The following EIF3B variants were observed in gnomAD, a reference collection of about 807,000 sequenced individuals.
The protein encoded by EIF3B is eukaryotic translation initiation factor 3 subunit B, also known as eukaryotic translation initiation factor 3 subunit 9.
A neutral mutation model predicts 104.6 loss-of-function variants in EIF3B; 10 were observed. The observed-to-expected ratio is 0.10, with a 90% CI of 0.06 to 0.16. The LOEUF (loss-of-function observed/expected upper bound fraction) is 0.16, where lower values mean the gene tolerates loss of function less well. Ranked by LOEUF, EIF3B falls within the 10% of genes least tolerant of loss-of-function variation. The pLI, the probability that EIF3B is intolerant of heterozygous loss-of-function variation, is 1.00. For synonymous variants in EIF3B, 542 were observed against 417.2 expected, an observed-to-expected ratio of 1.30 and a Z score of -3.65; for missense variants, 1,014 against 1,087.9, an observed-to-expected ratio of 0.93 and a Z score of 0.96.
chr7:2,372,990 C>T (rs1780441227), intron 12 of EIF3B, 195 bp downstream of exon 12: 1 of 469,064 alleles, frequency 2.1e-6, no homozygotes, highest in Non-Finnish European at 3.6e-6. Flanking sequence ...GGGTGTCTCT[C>T]TGAGCCCCGT....
intron 2 of EIF3B, 57 bp downstream of exon 2, chr7:2,360,959 A>G (rs1779694100): frequency 7.0e-7 from 1 of 1,434,226 alleles, no homozygotes; most frequent in Non-Finnish European, 9.6e-7. Flanking sequence ...ATGATGAGGG[A>G]GTGTTGCAGG....
rs771274373 is a variant in EIF3B at position 2,379,556 on chromosome 7, A to C, written c.*14+45A>C. 46 of 1,236,046 alleles carry C rather than the reference A, an allele frequency of 3.7e-5. No homozygotes were observed. In the African/African-American group the frequency reaches 5.7e-4, roughly 15 times the overall value. The allele number at this position is 1,236,046 out of a possible 1,614,324, so 76.6% of individuals were successfully genotyped here. Reference sequence around the variant, plus strand: ...GCGATGGGGGTCCTGTTGGCTGCTCATGCTGCTTCAGTTATCCCCGTCACT... The same window carrying C: ...GCGATGGGGGTCCTGTTGGCTGCTCCTGCTGCTTCAGTTATCCCCGTCACT... On this transcript the variant is annotated intron_variant, in intron 18 of 18. Coordinates refer to ENST00000360876, the MANE Select transcript of EIF3B (RefSeq NM_001037283.2).
chr7:2,380,650 G>A lies in EIF3B; in HGVS notation c.*461G>A, dbSNP rs919241109. On this transcript the variant is annotated 3_prime_UTR_variant, in exon 19 of 19. Transcript: ENST00000360876. ...TGGACGTGTCCCGGAGACCCACCGG[G>A]AGGGCGCCGCCATGCCTTGTACCCC... 1 of 223,754 alleles carries A rather than the reference G, an allele frequency of 4.5e-6. No homozygotes were observed. Among genetic ancestry groups the A allele is most frequent in the Non-Finnish European group, 9.2e-6 (1 of 108,284 alleles). 13.9% of individuals were successfully genotyped at this position (223,754 alleles called of 1,614,324 possible).
At chr7:2,367,170 A>T (rs567040831) in intron 9 of EIF3B, 125 bp downstream of exon 9, 1 of 952,392 alleles carries the variant, frequency 1.0e-6, no homozygotes, top group South Asian at 1.7e-5. Flanking sequence ...TCTTTCTCCC[A>T]GTTCTGGAGC....
chr7:2,362,677 A>G lies in EIF3B; in HGVS notation c.725A>G (p.His242Arg). ...TTCCTGGAGTACGCGTCCCCTGCCC[A>G]CGCTGTGGATGCTGTGAAGAACGCC... Reference protein sequence around the residue: ...YIFLEYASPAHAVDAVKNADG... With the variant: ...YIFLEYASPARAVDAVKNADG... The change falls in exon 3 of 19, where the codon CAC becomes CGC. Residue 242 changes from histidine (H) to arginine (R), a missense_variant. By Grantham distance (29) the His-to-Arg change is conservative. This residue lies in a region of EIF3B where 488 missense variants were observed against 404.3 expected (regional missense o/e 1.21). Coordinates refer to ENST00000360876, the MANE Select transcript of EIF3B (RefSeq NM_001037283.2). The G allele has an allele frequency of 6.2e-7, 1 of 1,614,260 alleles. No individual in the cohort carries two copies. The highest frequency in any genetic ancestry group is 8.5e-7 in the Non-Finnish European group (1 of 1,180,048).
intron 1 of EIF3B, among the ~76,000 whole-genome samples, chr7:2,356,431 C>T (rs975283704): frequency 1.3e-5 from 2 of 151,834 alleles, no homozygotes; most frequent in African/African-American, 2.4e-5. Flanking sequence ...GAAACCCCGT[C>T]TCTACTAAAA....
chr7:2,362,334 T>G (rs1779776096), intron 2 of EIF3B, among the ~76,000 whole-genome samples: 1 of 152,222 alleles, frequency 6.6e-6, no homozygotes, highest in Non-Finnish European at 1.5e-5. Context: ...GCGTACAATT[T>G]AATACATTTT....
chr7:2,374,969 A>G, intron 13 of EIF3B: 1 of 301,098 alleles, frequency 3.3e-6, no homozygotes. Context: ...CACAGCTGTG[A>G]GGCTGCCTTA....
At chr7:2,374,807 G>A (rs961039815) in intron 13 of EIF3B, 8 of 469,560 alleles carry the variant, frequency 1.7e-5, no homozygotes, top group Non-Finnish European at 3.0e-5. Flanking sequence ...CGCACAGAGT[G>A]AAATAAGCGC....
intron 15 of EIF3B, 99 bp from the exon 16 acceptor site, chr7:2,378,589 GA>G: frequency 1.9e-6 from 2 of 1,032,954 alleles, no homozygotes; most frequent in South Asian, 2.8e-5. Flanking sequence ...TGTGTTCTGT[GA>G]ATGGCTTTGG....
At position 2,374,918 on chromosome 7, in the gene EIF3B, G is replaced by C. The variant is rs576569035; in HGVS notation, c.1889+312G>C. ...CCAGCCATCCAGTAACCTCCCCCCG[G>C]GGGTCAGTCCCTTGTCTTCTAGTGG... On this transcript the variant is annotated intron_variant, in intron 13 of 18. Transcript: ENST00000360876. 21 of 326,364 alleles carry C rather than the reference G, an allele frequency of 6.4e-5. 1 individual carries two copies. Among genetic ancestry groups the C allele is most frequent in the African/African-American group, 4.2e-4 (20 of 47,688 alleles). The allele number at this position is 326,364 out of a possible 1,614,324, so 20.2% of individuals were successfully genotyped here. A position where few individuals can be genotyped will look rare whatever the true frequency, so the allele number is the denominator to read the frequency against.
rs1583173234 is a variant in EIF3B at position 2,372,028 on chromosome 7, C to A, written c.1687+179C>A. On this transcript the variant is annotated intron_variant, in intron 11 of 18. Transcript: ENST00000360876. Reference sequence around the variant, plus strand: ...TAGAGCCTGGGCAACATAGTGAGACCCTCTCTGTACAAAAAACAAATAAAA... The same window carrying A: ...TAGAGCCTGGGCAACATAGTGAGACACTCTCTGTACAAAAAACAAATAAAA... 5.1e-6 allele frequency: 3 copies of A among 584,214 alleles called. No individual in the cohort carries two copies. In the Middle Eastern group the frequency reaches 9.3e-4, roughly 182 times the overall value. The allele number at this position is 584,214 out of a possible 1,614,324, so 36.2% of individuals were successfully genotyped here. A position where few individuals can be genotyped will look rare whatever the true frequency, so the allele number is the denominator to read the frequency against.
At chr7:2,358,845 C>T (rs992248117) in intron 1 of EIF3B, among the ~76,000 whole-genome samples, 1 of 152,198 alleles carries the variant, frequency 6.6e-6, no homozygotes, top group Non-Finnish European at 1.5e-5. Context: ...TAAATTCTGA[C>T]ACGTGATGCT....
chr7:2,376,715 C>A, intron 14 of EIF3B: 1 of 523,118 alleles, frequency 1.9e-6, no homozygotes. Flanking sequence ...ATGTGCAGGC[C>A]TGTGCTGTGA....
chr7:2,363,638 T>C lies in EIF3B; in HGVS notation c.877T>C (p.Leu293=), dbSNP rs1562479853. 6.3e-7 allele frequency: 1 copy of C among 1,599,558 alleles called. No homozygotes were observed. The highest frequency in any genetic ancestry group is 1.8e-5 in the Admixed American group (1 of 55,238). The change falls in exon 5 of 19, where the codon TTA becomes CTA. Residue 293 remains leucine (L), a synonymous_variant. Coordinates refer to ENST00000360876, the MANE Select transcript of EIF3B (RefSeq NM_001037283.2). ...EKQPFKDLGN[L]RYWLEEAECR... ...CCTTGTCTTTGTTTTTAAGGGGAAC[T>C]TACGTTACTGGCTTGAAGAGGCAGA...
Position 2,380,248 on chromosome 7 carries a change from C to G in EIF3B, c.*59C>G, listed in dbSNP as rs991040774. 6.3e-6 allele frequency: 3 copies of G among 473,104 alleles called. No individual in the cohort carries two copies. The highest frequency in any genetic ancestry group is 1.3e-5 in the Non-Finnish European group (3 of 237,078). The allele number at this position is 473,104 out of a possible 1,614,324, so 29.3% of individuals were successfully genotyped here. ...GTTCCCGCGCTGAGCTACAGGACTC[C>G]CGAGTGTGAGCCGCGGTTCCTCTGT... On this transcript the variant is annotated 3_prime_UTR_variant, in exon 19 of 19. Coordinates refer to ENST00000360876, the MANE Select transcript of EIF3B (RefSeq NM_001037283.2).
At chr7:2,374,711 G>A (rs1780542322) in intron 13 of EIF3B, 105 bp downstream of exon 13, 1 of 1,081,648 alleles carries the variant, frequency 9.2e-7, no homozygotes, top group Middle Eastern at 2.1e-4. Context: ...AGAGTATTGT[G>A]CGCTGAAAGG....
chr7:2,361,218 CTGT>C (rs1779708626), intron 2 of EIF3B, among the ~76,000 whole-genome samples: 1 of 152,138 alleles, frequency 6.6e-6, no homozygotes, highest in Non-Finnish European at 1.5e-5. Context: ...GATAACGTAG[CTGT>C]ACTCCAGTCT....
At position 2,366,988 on chromosome 7, in the gene EIF3B, T is replaced by C. The variant is rs368417879; in HGVS notation, c.1357-11T>C. The C allele has an allele frequency of 8.9e-5, 143 of 1,611,948 alleles. No homozygotes were observed. Among genetic ancestry groups the C allele is most frequent in the Non-Finnish European group, 1.0e-4 (122 of 1,179,448 alleles). On this transcript the variant is annotated splice_polypyrimidine_tract_variant and intron_variant, in intron 8 of 18. Coordinates refer to ENST00000360876, the MANE Select transcript of EIF3B (RefSeq NM_001037283.2). The stretch of plus-strand genomic sequence containing the variant: ...TTTGACTCAACTGCAGCCTTCCTTT[T>C]TTTTGGGCAGTCTATGGGTCTTTTG...
Sources: gnomAD v4.1 joint callset for allele counts (sites outside exome capture counted in the v4.1 genomes callset) on GRCh38, gnomAD v4.1.1 for gene constraint, gnomAD v4.1.1 regional missense constraint, MANE v1.5 for transcripts, NCBI Gene and HGNC (gene_info 2026-07-23, HGNC 2026-07-21) for gene names.